The following CDKAL1 variants were observed in gnomAD, a reference collection of about 807,000 sequenced individuals.
The protein encoded by CDKAL1 is threonylcarbamoyladenosine tRNA methylthiotransferase.
CDKAL1 carries 32 observed loss-of-function variants against 68.2 expected under a neutral mutation model. The observed-to-expected ratio is 0.47, with a 90% CI of 0.35 to 0.63. CDKAL1 has a LOEUF of 0.63. Among genes scored for constraint, CDKAL1 ranks in the 30% least tolerant of loss-of-function variants. The pLI is 0.00. For synonymous variants in CDKAL1, 234 were observed against 244.3 expected (o/e 0.96, Z 0.39); for missense variants, 606 against 696.7 (o/e 0.87, Z 1.47).
intron 15 of CDKAL1, among the ~76,000 whole-genome samples, chr6:21,217,050 AT>A (rs34055473): frequency 0.59 from 89,369 of 151,754 alleles, 27,097 homozygotes; most frequent in African/African-American, 0.74. Flanking sequence ...GATATTGCTC[AT>A]TTTTTTTACT....
intron 13 of CDKAL1, among the ~76,000 whole-genome samples, chr6:21,152,886 C>G (rs1026011547): frequency 1.3e-5 from 2 of 152,172 alleles, no homozygotes; most frequent in African/African-American, 4.8e-5. Flanking sequence ...TCAGTTTAGG[C>G]GGCCTTGCGC....
At chr6:20,896,098 C>CTTTTTTTTTTTTTTTTTTTTTTTTTTTTT (rs1291895133) in intron 9 of CDKAL1, among the ~76,000 whole-genome samples, 3 of 104,128 alleles carry the variant, frequency 2.9e-5, no homozygotes, top group Non-Finnish European at 5.6e-5. Flanking sequence ...CTTTTCTTTT[C>CTTTTTTTTTTTTTTTTTTTTTTTTTTTTT]TTTTCTTTTT....
chr6:20,923,049 G>A (rs1029119295), intron 9 of CDKAL1, among the ~76,000 whole-genome samples: 8 of 152,054 alleles, frequency 5.3e-5, no homozygotes, highest in Admixed American at 5.2e-4. Context: ...GGTATTTGGG[G>A]GAGAAAAGCA....
At chr6:20,743,117 T>C (rs1773527660) in intron 6 of CDKAL1, among the ~76,000 whole-genome samples, 1 of 152,158 alleles carries the variant, frequency 6.6e-6, no homozygotes, top group South Asian at 2.1e-4. Flanking sequence ...CCAAAAAGAA[T>C]AGATGTTTAA....
intron 11 of CDKAL1, among the ~76,000 whole-genome samples, chr6:21,058,201 T>C (rs182076384): frequency 6.6e-6 from 1 of 152,358 alleles, no homozygotes; most frequent in Non-Finnish European, 1.5e-5. Context: ...TACTCCCCTA[T>C]TGGGTGCATA....
intron 10 of CDKAL1, among the ~76,000 whole-genome samples, chr6:20,990,236 C>A (rs1408765215): frequency 6.6e-6 from 1 of 152,074 alleles, no homozygotes; most frequent in Non-Finnish European, 1.5e-5. Context: ...GAGCAAGACT[C>A]TGTCTCAAAA....
chr6:21,082,271 G>C (rs891197192), intron 12 of CDKAL1, among the ~76,000 whole-genome samples: 1 of 152,174 alleles, frequency 6.6e-6, no homozygotes, highest in Non-Finnish European at 1.5e-5. Context: ...GAAGTTAGAA[G>C]GGCAGGGGAA....
At chr6:20,966,133 T>A (rs1765300575) in intron 10 of CDKAL1, among the ~76,000 whole-genome samples, 1 of 152,178 alleles carries the variant, frequency 6.6e-6, no homozygotes. Flanking sequence ...CATAGAATAG[T>A]TGAGGGACAT....
intron 5 of CDKAL1, among the ~76,000 whole-genome samples, chr6:20,693,671 G>A (rs1168944102): frequency 6.6e-6 from 1 of 152,200 alleles, no homozygotes; most frequent in Non-Finnish European, 1.5e-5. Context: ...CTTTCTGAAA[G>A]TTGAGACCAC....
chr6:20,703,042 T>C (rs192241440), intron 5 of CDKAL1, among the ~76,000 whole-genome samples: 1 of 152,360 alleles, frequency 6.6e-6, no homozygotes, highest in East Asian at 1.9e-4. Context: ...CAACTTACTG[T>C]AATATGGTTT....
intron 9 of CDKAL1, among the ~76,000 whole-genome samples, chr6:20,948,702 G>C (rs371863990): frequency 1.7e-4 from 26 of 152,300 alleles, no homozygotes; most frequent in African/African-American, 6.3e-4. Flanking sequence ...TGAAACACAA[G>C]AGGACCTGTT....
chr6:20,978,602 G>A (rs1003018782), intron 10 of CDKAL1, among the ~76,000 whole-genome samples: 9 of 152,118 alleles, frequency 5.9e-5, no homozygotes, highest in African/African-American at 9.7e-5. Flanking sequence ...TGCTATAAAC[G>A]AGCTATATTT....
At chr6:20,551,210 T>C (rs1391479851) in intron 4 of CDKAL1, among the ~76,000 whole-genome samples, 2 of 152,094 alleles carry the variant, frequency 1.3e-5, no homozygotes, top group East Asian at 3.9e-4. Context: ...GTGAAGTCCT[T>C]TGTCACTTCC....
At chr6:20,926,892 T>TAG (rs984002148) in intron 9 of CDKAL1, among the ~76,000 whole-genome samples, 3 of 147,938 alleles carry the variant, frequency 2.0e-5, no homozygotes, top group Non-Finnish European at 4.5e-5. Context: ...TATATTTATA[T>TAG]ATATATGTTT....
chr6:21,142,310 A>G (rs1775957106), intron 13 of CDKAL1, among the ~76,000 whole-genome samples: 1 of 122,714 alleles, frequency 8.1e-6, no homozygotes, highest in South Asian at 2.5e-4. Flanking sequence ...CAGAGCTGCC[A>G]TATGAAAAAA....
intron 8 of CDKAL1, among the ~76,000 whole-genome samples, chr6:20,799,385 A>G (rs188369352): frequency 6.6e-6 from 1 of 152,132 alleles, no homozygotes; most frequent in East Asian, 1.9e-4. Context: ...GCTAAGGGTA[A>G]ATTAGGTATC....
chr6:20,787,626 C>CT (rs1278876533), intron 8 of CDKAL1, among the ~76,000 whole-genome samples: 1 of 152,178 alleles, frequency 6.6e-6, no homozygotes, highest in African/African-American at 2.4e-5. Context: ...AACATACTGT[C>CT]TCACTGTAGA....
chr6:20,756,862 T>TCTTC (rs1561750072), intron 6 of CDKAL1: 1 of 43,562 alleles, frequency 2.3e-5, no homozygotes, highest in African/African-American at 1.1e-4. Context: ...TCCCCTTCCT[T>TCTTC]CCTTCCTTCC....
intron 13 of CDKAL1, among the ~76,000 whole-genome samples, chr6:21,127,392 G>A (rs1775070508): frequency 6.6e-6 from 1 of 152,120 alleles, no homozygotes; most frequent in Admixed American, 6.5e-5. Context: ...AACCATGTTG[G>A]ACCTTGTTGA....
Sources: allele counts gnomAD v4.1 joint callset (sites outside exome capture counted in the v4.1 genomes callset), GRCh38; gene constraint gnomAD v4.1.1; transcripts MANE v1.5; gene names NCBI Gene and HGNC (gene_info 2026-07-23, HGNC 2026-07-21).